TENM3: variants seen among roughly 807,000 people sequenced by gnomAD.
The protein encoded by TENM3 is teneurin-3.
Under a neutral mutation model 255.1 loss-of-function variants are expected in TENM3, and 63 were observed. That is an observed-to-expected ratio of 0.25 (90% CI 0.20 to 0.30). The LOEUF (loss-of-function observed/expected upper bound fraction) is 0.30, where lower values mean the gene tolerates loss of function less well. Ranked by LOEUF, TENM3 falls within the 10% of genes least tolerant of loss-of-function variation. The pLI, the probability that TENM3 is intolerant of heterozygous loss-of-function variation, is 1.00. For synonymous variants in TENM3, 1,306 were observed against 1,322.3 expected (o/e 0.99, Z 0.27); for missense variants, 2,929 against 3,461.1 (o/e 0.85, Z 3.86).
chr4:181,544,649 G>A, the TENM3 span, among the ~76,000 whole-genome samples: 1 of 152,040 alleles, frequency 6.6e-6, no homozygotes, highest in Non-Finnish European at 1.5e-5. Context: ...AAACCTCCCA[G>A]GGGAAATTCA....
At chr4:182,414,729 T>A (rs1199539743) in intron 3 of TENM3, among the ~76,000 whole-genome samples, 1 of 152,190 alleles carries the variant, frequency 6.6e-6, no homozygotes, top group East Asian at 1.9e-4. Flanking sequence ...ATAAAGTATC[T>A]CAAAGATCTA....
chr4:182,440,600 A>G (rs1215576509), intron 3 of TENM3, among the ~76,000 whole-genome samples: 1 of 152,230 alleles, frequency 6.6e-6, no homozygotes, highest in Non-Finnish European at 1.5e-5. Context: ...GAGGAAGTTC[A>G]GAGAAGAGCC....
chr4:181,646,953 T>A, the TENM3 span, among the ~76,000 whole-genome samples: 8 of 152,194 alleles, frequency 5.3e-5, no homozygotes, highest in African/African-American at 1.9e-4. Context: ...GTGGATTAAA[T>A]GGACAGGGGA....
At chr4:181,649,026 GTTATTA>G in the TENM3 span, among the ~76,000 whole-genome samples, 2 of 152,132 alleles carry the variant, frequency 1.3e-5, no homozygotes, top group African/African-American at 2.4e-5. Context: ...AAAAAATATT[GTTATTA>G]TTATTATCAT....
chr4:182,435,304 C>T (rs1036802350), intron 3 of TENM3, among the ~76,000 whole-genome samples: 2 of 152,202 alleles, frequency 1.3e-5, no homozygotes, highest in Non-Finnish European at 2.9e-5. Flanking sequence ...GTGTTTATTA[C>T]ATGACTTCTT....
chr4:181,941,885 A>G, the TENM3 span, among the ~76,000 whole-genome samples: 1 of 152,212 alleles, frequency 6.6e-6, no homozygotes, highest in African/African-American at 2.4e-5. Context: ...TCATAAGTAA[A>G]TATTTTAAGT....
chr4:181,464,810 G>T, the TENM3 span, among the ~76,000 whole-genome samples: 1 of 152,044 alleles, frequency 6.6e-6, no homozygotes, highest in Admixed American at 6.6e-5. Context: ...AATTAGCTGG[G>T]CATGGTGGCT....
At chr4:182,531,180 G>A (rs1739744714) in intron 3 of TENM3, among the ~76,000 whole-genome samples, 1 of 152,100 alleles carries the variant, frequency 6.6e-6, no homozygotes, top group South Asian at 2.1e-4. Flanking sequence ...TCAAGGAGGA[G>A]TATTCACTTT....
chr4:182,118,746 A>G, the TENM3 span, among the ~76,000 whole-genome samples: 1 of 152,296 alleles, frequency 6.6e-6, no homozygotes, highest in East Asian at 1.9e-4. Flanking sequence ...TAGCTTGTCA[A>G]TGTGATGGAT....
intron 1 of TENM3, among the ~76,000 whole-genome samples, chr4:182,211,728 A>G (rs1158954490): frequency 6.6e-6 from 1 of 152,230 alleles, no homozygotes; most frequent in Non-Finnish European, 1.5e-5. Context: ...GAAGCAATAT[A>G]TACTATGGAA....
chr4:181,499,999 C>T, the TENM3 span, among the ~76,000 whole-genome samples: 2 of 152,096 alleles, frequency 1.3e-5, no homozygotes, highest in Admixed American at 1.3e-4. Context: ...TTTTAAGAGA[C>T]TGTTTTTCAC....
the TENM3 span, among the ~76,000 whole-genome samples, chr4:182,054,757 G>A: frequency 1.1e-3 from 172 of 152,010 alleles, 1 homozygote; most frequent in African/African-American, 4.0e-3. Flanking sequence ...AACATCTCAT[G>A]TGCCCCATAA....
At chr4:181,771,347 C>G in the TENM3 span, among the ~76,000 whole-genome samples, 1 of 152,150 alleles carries the variant, frequency 6.6e-6, no homozygotes, top group Admixed American at 6.5e-5. Flanking sequence ...ATAGGTGATG[C>G]ACTGGAAATG....
chr4:182,753,376 A>T, intron 20 of TENM3, 74 bp from the exon 21 acceptor site: 1 of 1,293,916 alleles, frequency 7.7e-7, no homozygotes, highest in Non-Finnish European at 1.1e-6. Context: ...AACTGAGTTT[A>T]ATAATGGGCC....
chr4:181,697,870 A>G, the TENM3 span, among the ~76,000 whole-genome samples: 4 of 152,176 alleles, frequency 2.6e-5, no homozygotes, highest in East Asian at 5.8e-4. Flanking sequence ...ACCGTTAGGT[A>G]TGGTTTTTGC....
intron 1 of TENM3, among the ~76,000 whole-genome samples, chr4:182,148,878 T>C (rs889103127): frequency 2.0e-5 from 3 of 152,054 alleles, no homozygotes; most frequent in South Asian, 2.1e-4. Context: ...TCATATTGCA[T>C]TGTGATACAT....
the TENM3 span, among the ~76,000 whole-genome samples, chr4:181,807,072 C>T: frequency 3.9e-5 from 6 of 152,142 alleles, no homozygotes; most frequent in African/African-American, 7.2e-5. Context: ...GGAAGTTTCC[C>T]GTCTCAGATA....
chr4:182,394,766 A>G (rs10520529), intron 3 of TENM3, among the ~76,000 whole-genome samples: 38,969 of 152,176 alleles, frequency 0.26, 5,552 homozygotes, highest in Middle Eastern at 0.38. Context: ...TTCTTAAAGC[A>G]TAAACAATGG....
the TENM3 span, among the ~76,000 whole-genome samples, chr4:182,107,536 G>A: frequency 2.0e-5 from 3 of 152,186 alleles, no homozygotes; most frequent in Non-Finnish European, 4.4e-5. Context: ...GGGACATTGG[G>A]TTGGCCCAAG....
Sources: gnomAD v4.1 joint callset for allele counts (sites outside exome capture counted in the v4.1 genomes callset) on GRCh38, gnomAD v4.1.1 for gene constraint, MANE v1.5 for transcripts, NCBI Gene and HGNC (gene_info 2026-07-23, HGNC 2026-07-21) for gene names.